Variants in AFG1L observed in about 807,000 individuals in gnomAD.
The protein encoded by AFG1L is AFG1-like ATPase.
Under a neutral mutation model 62.2 loss-of-function variants are expected in AFG1L, and 53 were observed. The observed-to-expected ratio is 0.85, with a 90% CI of 0.68 to 1.07. The LOEUF is 1.07. AFG1L is among the 50% of genes least tolerant of loss of function. AFG1L has a pLI of 0.00. For missense variants in AFG1L, 555 were observed against 590.5 expected (o/e 0.94, Z 0.62); for synonymous variants, 228 against 210.3 (o/e 1.08, Z -0.73).
At chr6:108,412,044 A>G (rs914223818) in intron 7 of AFG1L, among the ~76,000 whole-genome samples, 2 of 152,200 alleles carry the variant, frequency 1.3e-5, no homozygotes, top group African/African-American at 4.8e-5. Flanking sequence ...GTCTAACTAG[A>G]AAAAACAGTT....
chr6:108,449,990 C>A (rs1771984796), intron 8 of AFG1L, among the ~76,000 whole-genome samples: 1 of 152,176 alleles, frequency 6.6e-6, no homozygotes, highest in South Asian at 2.1e-4. Flanking sequence ...TTTTCTTAAT[C>A]CAGTCTATCA....
chr6:108,417,377 T>A (rs1582555375), intron 7 of AFG1L, among the ~76,000 whole-genome samples: 1 of 151,710 alleles, frequency 6.6e-6, no homozygotes, highest in South Asian at 2.1e-4. Flanking sequence ...GTCAGGAGTA[T>A]TTTTCCAAAG....
chr6:108,391,721 G>A (rs1050947029), intron 6 of AFG1L, among the ~76,000 whole-genome samples: 1 of 152,106 alleles, frequency 6.6e-6, no homozygotes, highest in African/African-American at 2.4e-5. Context: ...ATGTCTAGAA[G>A]GGTTTTTTTG....
At chr6:108,368,337 CAGAT>C (rs1779847751) in intron 6 of AFG1L, among the ~76,000 whole-genome samples, 1 of 151,978 alleles carries the variant, frequency 6.6e-6, no homozygotes. Context: ...ATGTGTAAAT[CAGAT>C]AGGACTAAAT....
intron 8 of AFG1L, among the ~76,000 whole-genome samples, chr6:108,452,160 G>A (rs1278489499): frequency 6.6e-6 from 1 of 152,204 alleles, no homozygotes; most frequent in African/African-American, 2.4e-5. Flanking sequence ...GTCTGGTACT[G>A]ATCAAGGGTG....
chr6:108,356,850 AT>A (rs774969194), intron 5 of AFG1L, 30 bp downstream of exon 5: 1 of 1,573,294 alleles, frequency 6.4e-7, no homozygotes, highest in South Asian at 1.2e-5. Context: ...TAGATATAGA[AT>A]GGTATATTGA....
chr6:108,396,499 TG>T (rs1206016268), intron 6 of AFG1L, among the ~76,000 whole-genome samples: 3 of 152,138 alleles, frequency 2.0e-5, no homozygotes, highest in Admixed American at 6.5e-5. Context: ...TGTTTTGTTT[TG>T]TTTTTTTTGA....
At chr6:108,393,060 A>G (rs984262201) in intron 6 of AFG1L, among the ~76,000 whole-genome samples, 1 of 152,132 alleles carries the variant, frequency 6.6e-6, no homozygotes. Context: ...CATTTTTTAC[A>G]AAATGAATGT....
chr6:108,436,293 C>T (rs1771304504), intron 7 of AFG1L, among the ~76,000 whole-genome samples: 1 of 151,120 alleles, frequency 6.6e-6, no homozygotes, highest in African/African-American at 2.4e-5. Flanking sequence ...TACAGGTGCA[C>T]ACCACCATGG....
chr6:108,516,215 C>T (rs1322575193), intron 11 of AFG1L, among the ~76,000 whole-genome samples: 3 of 151,952 alleles, frequency 2.0e-5, no homozygotes, highest in African/African-American at 7.3e-5. Context: ...GAATTTTAGA[C>T]CAATATCCCT....
chr6:108,404,868 C>T (rs1781782684), intron 7 of AFG1L, among the ~76,000 whole-genome samples: 2 of 151,784 alleles, frequency 1.3e-5, no homozygotes, highest in African/African-American at 4.8e-5. Flanking sequence ...GCTGGGACTA[C>T]AAGTGCACAC....
At chr6:108,359,070 G>A (rs954099189) in intron 5 of AFG1L, 14 of 152,210 alleles carry the variant, frequency 9.2e-5, no homozygotes, top group African/African-American at 3.4e-4. Flanking sequence ...TATCAATAAT[G>A]ACTCCAGCCT....
At chr6:108,391,476 A>G (rs746911092) in intron 6 of AFG1L, among the ~76,000 whole-genome samples, 1 of 150,812 alleles carries the variant, frequency 6.6e-6, no homozygotes, top group African/African-American at 2.5e-5. Flanking sequence ...TGATGGGATT[A>G]TTTATTTTTT....
chr6:108,304,091 G>A (rs1014873935), intron 1 of AFG1L, among the ~76,000 whole-genome samples: 2 of 152,098 alleles, frequency 1.3e-5, no homozygotes, highest in Non-Finnish European at 2.9e-5. Context: ...TAACCACCAA[G>A]CATTTAGTTT....
intron 6 of AFG1L, among the ~76,000 whole-genome samples, chr6:108,378,287 C>A (rs1780338257): frequency 6.6e-6 from 1 of 151,814 alleles, no homozygotes; most frequent in South Asian, 2.1e-4. Context: ...AGCTTCCTTG[C>A]AAGCCATGCT....
chr6:108,337,296 C>A (rs1335415111), intron 2 of AFG1L, among the ~76,000 whole-genome samples: 1 of 152,154 alleles, frequency 6.6e-6, no homozygotes, highest in Non-Finnish European at 1.5e-5. Context: ...TGCTGCAGTG[C>A]CCTGGGTGCC....
At chr6:108,432,575 C>T (rs898971863) in intron 7 of AFG1L, among the ~76,000 whole-genome samples, 1 of 152,176 alleles carries the variant, frequency 6.6e-6, no homozygotes, top group Non-Finnish European at 1.5e-5. Flanking sequence ...CACCAGCCCT[C>T]GATGATCCTA....
intron 11 of AFG1L, among the ~76,000 whole-genome samples, chr6:108,510,656 A>G (rs1774609026): frequency 6.6e-6 from 1 of 152,258 alleles, no homozygotes; most frequent in Non-Finnish European, 1.5e-5. Context: ...ACTCTGCTAT[A>G]TGAATGATTG....
chr6:108,318,853 A>G (rs899490463), intron 1 of AFG1L, among the ~76,000 whole-genome samples: 34 of 152,354 alleles, frequency 2.2e-4, no homozygotes, highest in South Asian at 1.2e-3. Context: ...TCAAAATAAT[A>G]TGGCAGCAGC....
Sources: allele counts gnomAD v4.1 joint callset (sites outside exome capture counted in the v4.1 genomes callset), GRCh38; gene constraint gnomAD v4.1.1; transcripts MANE v1.5; gene names NCBI Gene and HGNC (gene_info 2026-07-23, HGNC 2026-07-21).